Variants in PAK5 observed in about 807,000 individuals in gnomAD.
PAK5 encodes p21 (RAC1) activated kinase 5, also known as serine/threonine-protein kinase PAK 5.
Under a neutral mutation model 65.9 loss-of-function variants are expected in PAK5, and 16 were observed. The ratio of observed to expected loss-of-function variants is 0.24; its 90% CI spans 0.16 to 0.37. The LOEUF is 0.37. Ranked by LOEUF, PAK5 falls within the 10% of genes least tolerant of loss-of-function variation. The probability of loss-of-function intolerance (pLI) is 1.00; values close to 1 mark genes in which losing one functional copy is unlikely to be tolerated. For synonymous variants in PAK5, 371 were observed against 354.9 expected, an observed-to-expected ratio of 1.05 and a Z score of -0.51; for missense variants, 785 against 903.9, an observed-to-expected ratio of 0.87 and a Z score of 1.69.
intron 7 of PAK5, among the ~76,000 whole-genome samples, chr20:9,551,136 A>G (rs2045421725): frequency 6.6e-6 from 1 of 152,194 alleles, no homozygotes; most frequent in African/African-American, 2.4e-5. Flanking sequence ...TTTCTAAAAG[A>G]ACATAATTGC....
intron 1 of PAK5, among the ~76,000 whole-genome samples, chr20:9,728,762 TG>T (rs577347813): frequency 3.3e-5 from 1 of 30,166 alleles, no homozygotes; most frequent in Non-Finnish European, 5.4e-5. Flanking sequence ...TTCCTAGATC[TG>T]TTTTTTTTTT....
At chr20:9,577,254 A>G (rs1157817903) in intron 4 of PAK5, 1 of 152,072 alleles carries the variant, frequency 6.6e-6, no homozygotes, top group African/African-American at 2.4e-5. Flanking sequence ...CAACAAACTC[A>G]TAACATTCTT....
intron 2 of PAK5, among the ~76,000 whole-genome samples, chr20:9,690,605 T>G (rs1600246657): frequency 6.6e-6 from 1 of 151,800 alleles, no homozygotes; most frequent in South Asian, 2.1e-4. Flanking sequence ...TACCTCAGAG[T>G]TGATACCACT....
chr20:9,601,511 G>C (rs1374400305), intron 3 of PAK5, among the ~76,000 whole-genome samples: 1 of 152,188 alleles, frequency 6.6e-6, no homozygotes, highest in Admixed American at 6.5e-5. Context: ...GAAAGAAGAA[G>C]TTACAAGCAT....
chr20:9,697,652 G>T (rs2047887062), intron 2 of PAK5, among the ~76,000 whole-genome samples: 1 of 151,912 alleles, frequency 6.6e-6, no homozygotes, highest in Non-Finnish European at 1.5e-5. Context: ...ATAGACTTGT[G>T]GCTACTTGAA....
intron 1 of PAK5, among the ~76,000 whole-genome samples, chr20:9,746,749 T>G (rs1291290290): frequency 6.6e-6 from 1 of 152,074 alleles, no homozygotes; most frequent in Non-Finnish European, 1.5e-5. Context: ...CAGACATTCC[T>G]TGAGCTGAAC....
intron 5 of PAK5, among the ~76,000 whole-genome samples, chr20:9,564,726 G>A (rs1237259226): frequency 2.0e-5 from 3 of 152,078 alleles, no homozygotes; most frequent in Non-Finnish European, 4.4e-5. Flanking sequence ...AAAGACTTAT[G>A]TGTAACAACA....
intron 3 of PAK5, among the ~76,000 whole-genome samples, chr20:9,615,266 T>C (rs1371335961): frequency 6.6e-6 from 1 of 152,164 alleles, no homozygotes; most frequent in Non-Finnish European, 1.5e-5. Flanking sequence ...CAGACACTTG[T>C]CAAAACCCAT....
At chr20:9,592,798 C>T (rs1336091885) in intron 3 of PAK5, among the ~76,000 whole-genome samples, 3 of 152,030 alleles carry the variant, frequency 2.0e-5, no homozygotes, top group African/African-American at 7.2e-5. Flanking sequence ...AAGGAGAGTG[C>T]TGATAAGTAA....
intron 2 of PAK5, among the ~76,000 whole-genome samples, chr20:9,651,406 A>C (rs2047201428): frequency 6.6e-6 from 1 of 152,232 alleles, no homozygotes; most frequent in South Asian, 2.1e-4. Context: ...TCAGGTGGAC[A>C]CGCAGAGGTA....
intron 2 of PAK5, among the ~76,000 whole-genome samples, chr20:9,697,637 A>C (rs935285618): frequency 6.6e-6 from 1 of 152,118 alleles, no homozygotes; most frequent in Non-Finnish European, 1.5e-5. Flanking sequence ...TCTTTCTCTT[A>C]CCATATAGAC....
At chr20:9,808,987 A>G (rs1044577836) in intron 1 of PAK5, among the ~76,000 whole-genome samples, 1 of 152,174 alleles carries the variant, frequency 6.6e-6, no homozygotes, top group Admixed American at 6.5e-5. Context: ...TATATTAGTA[A>G]TATGCTATTT....
intron 1 of PAK5, among the ~76,000 whole-genome samples, chr20:9,815,712 T>A (rs1476774107): frequency 6.6e-6 from 1 of 152,204 alleles, no homozygotes; most frequent in Non-Finnish European, 1.5e-5. Flanking sequence ...TTTTTGTTTC[T>A]ACTATTTGGG....
intron 1 of PAK5, among the ~76,000 whole-genome samples, chr20:9,760,953 C>A (rs2048693059): frequency 6.6e-6 from 1 of 152,082 alleles, no homozygotes; most frequent in African/African-American, 2.4e-5. Flanking sequence ...CATTGATACT[C>A]TTATCACAAA....
chr20:9,558,043 T>TTC (rs1555895453), intron 6 of PAK5, among the ~76,000 whole-genome samples: 1,998 of 138,884 alleles, frequency 0.014, 22 homozygotes, highest in Middle Eastern at 0.024. Context: ...TTTATTTATT[T>TTC]ATTCATTCAT....
chr20:9,599,202 A>G (rs752295874), intron 3 of PAK5, among the ~76,000 whole-genome samples: 2 of 152,214 alleles, frequency 1.3e-5, no homozygotes, highest in Non-Finnish European at 2.9e-5. Flanking sequence ...TAAGAATTTC[A>G]TTCCTTTTAA....
At position 9,783,999 on chromosome 20, in the gene PAK5, A is replaced by G. The variant is rs571002774; in HGVS notation, c.-162+54763T>C. On this transcript the variant is annotated intron_variant, in intron 1 of 9. Transcript: ENST00000353224. ...AAATAAGGTACATCAATTAACTACA[A>G]TTCTACCATGAGACTGTAATTTAAG... is the stretch of plus-strand genomic sequence containing the variant. Among the ~76,000 whole-genome samples the G allele has an allele frequency of 1.1e-4, 16 of 152,314 alleles. No individual in the cohort carries two copies. In the East Asian group the frequency reaches 3.1e-3, roughly 29 times the overall value.
chr20:9,563,856 C>T (rs562301125), intron 5 of PAK5, among the ~76,000 whole-genome samples: 2 of 152,276 alleles, frequency 1.3e-5, no homozygotes, highest in South Asian at 4.1e-4. Context: ...AAGAAATAAG[C>T]ACCCGTGGGA....
intron 2 of PAK5, among the ~76,000 whole-genome samples, chr20:9,706,696 T>TG (rs1416574799): frequency 6.6e-6 from 1 of 151,718 alleles, no homozygotes; most frequent in Non-Finnish European, 1.5e-5. Flanking sequence ...TTTGTAGAGA[T>TG]GGGGTTTCGC....
Sources: allele counts gnomAD v4.1 joint callset (sites outside exome capture counted in the v4.1 genomes callset), GRCh38; gene constraint gnomAD v4.1.1; transcripts MANE v1.5; gene names NCBI Gene and HGNC (gene_info 2026-07-23, HGNC 2026-07-21).